CHD1L: variants seen among roughly 807,000 people sequenced by gnomAD.
CHD1L encodes the protein chromodomain helicase DNA binding protein 1 like.
Under a neutral mutation model 115.9 loss-of-function variants are expected in CHD1L, and 118 were observed. The observed-to-expected ratio is 1.02, with a 90% CI of 0.88 to 1.19. The LOEUF (loss-of-function observed/expected upper bound fraction) is 1.19. Ranked by LOEUF, CHD1L falls within the 50% of genes most tolerant of loss-of-function variation. The pLI is 0.00. For synonymous variants in CHD1L, 411 were observed against 387.1 expected (o/e 1.06, Z -0.72); for missense variants, 1,179 against 1,065.3 (o/e 1.11, Z -1.49).
rs782369690 is a variant in CHD1L, at chr1:147,294,435, C to T, written c.2533C>T (p.His845Tyr). ...AAGTGTTCATCTTCCACGTATTGGA[C>T]ATGCCACGAAAGGTTTTAACTGGTA... ...KASVHLPRIGHATKGFNWYGT... is the reference protein window; with the variant it reads ...KASVHLPRIGYATKGFNWYGT... The change falls in exon 22 of 23, where the codon CAT (histidine) becomes TAT (tyrosine). Residue 845 changes from histidine to tyrosine, a missense_variant. His to Tyr is a moderately conservative substitution (Grantham distance 83). Transcript: ENST00000369258. 2.5e-6 allele frequency: 4 copies of T among 1,612,420 alleles called. No homozygotes were observed. In the Admixed American group the frequency reaches 5.0e-5, roughly 20 times the overall value.
intron 15 of CHD1L, among the ~76,000 whole-genome samples, chr1:147,281,351 C>T (rs1366751062): frequency 1.3e-5 from 2 of 152,242 alleles, no homozygotes; most frequent in Middle Eastern, 3.4e-3. Flanking sequence ...ACTGTCTACT[C>T]TAGTGTGGGC....
chr1:147,254,711 G>A (rs1315546160), intron 2 of CHD1L, among the ~76,000 whole-genome samples, 159 bp from the exon 3 acceptor site: 2 of 152,148 alleles, frequency 1.3e-5, no homozygotes, highest in African/African-American at 4.8e-5. Context: ...TTCGCTCTAC[G>A]AATGGATTAC....
intron 2 of CHD1L, 125 bp from the exon 3 acceptor site, chr1:147,254,745 A>G (rs1553938796): frequency 6.4e-5 from 37 of 575,316 alleles, no homozygotes; most frequent in Non-Finnish European, 1.8e-5. Context: ...GGAAGTTCGT[A>G]CAATATTTCT....
the CHD1L span, chr1:147,204,973 A>G: frequency 8.3e-7 from 1 of 1,205,768 alleles, no homozygotes; most frequent in Non-Finnish European, 1.2e-6. Context: ...CGCTCAGAAG[A>G]CCGCGGAGGA....
chr1:147,268,053 C>G (rs1674641406), intron 9 of CHD1L, among the ~76,000 whole-genome samples: 1 of 152,176 alleles, frequency 6.6e-6, no homozygotes. Context: ...TTTGGCACAG[C>G]TAATCACTTC....
At chr1:147,276,344 C>CAGCAA in intron 14 of CHD1L, 87 bp downstream of exon 14, 4 of 1,398,120 alleles carry the variant, frequency 2.9e-6, no homozygotes, top group East Asian at 4.7e-5. Flanking sequence ...CAGCACTCAC[C>CAGCAA]CTCTCCCCAG....
the CHD1L span, among the ~76,000 whole-genome samples, chr1:147,214,414 G>A: frequency 1.3e-5 from 2 of 150,334 alleles, no homozygotes; most frequent in Non-Finnish European, 2.9e-5. Context: ...TCGTGTCACT[G>A]TACTCCAGCC....
At chr1:147,186,791 T>G in the CHD1L span, 1 of 1,497,692 alleles carries the variant, frequency 6.7e-7, no homozygotes, top group Non-Finnish European at 8.8e-7. Flanking sequence ...GAAAGAGACA[T>G]TAAAGTAGAT....
the CHD1L span, among the ~76,000 whole-genome samples, chr1:147,235,586 A>G: frequency 6.6e-6 from 1 of 152,096 alleles, no homozygotes; most frequent in Admixed American, 6.5e-5. Context: ...TGCCTCAGGG[A>G]TAGATACATG....
chr1:147,209,307 A>G, the CHD1L span, among the ~76,000 whole-genome samples: 108 of 151,996 alleles, frequency 7.1e-4, 1 homozygote, highest in Non-Finnish European at 1.0e-3. Context: ...GCGTGGTTGC[A>G]GGTGCCTGTA....
the CHD1L span, among the ~76,000 whole-genome samples, chr1:147,211,747 A>C: frequency 6.6e-6 from 1 of 152,182 alleles, no homozygotes; most frequent in Non-Finnish European, 1.5e-5. Context: ...CTATACAAAA[A>C]CCAAAACAAA....
rs782133927 is a variant in CHD1L at position 147,286,534 on chromosome 1, C to T, written c.2221+34C>T. 5 of 1,600,652 alleles carry T rather than the reference C, an allele frequency of 3.1e-6. No homozygotes were observed. In the South Asian group the frequency reaches 4.4e-5, roughly 14 times the overall value. On this transcript the variant is annotated intron_variant, in intron 18 of 22. Coordinates refer to ENST00000369258, the MANE Select transcript of CHD1L (RefSeq NM_004284.6). ...AGTGGTATGGGCTGGGGATGGGGGC[C>T]TCAGTCCTTATGGTGCCAAGAACTG...
chr1:147,284,356 CAT>C lies in CHD1L; in HGVS notation c.1714_1715del (p.Met572ValfsTer4), dbSNP rs782052615. The C allele has an allele frequency of 5.7e-6, 9 of 1,566,558 alleles. No individual in the cohort carries two copies. The South Asian group carries it at 9.4e-5, about 16-fold the overall frequency. On this transcript the variant is annotated frameshift_variant, in exon 16 of 23. Transcript: ENST00000369258. LOFTEE classifies it high-confidence loss of function. Reference sequence around the variant, plus strand: ...TTTGTGTTTTATGTTGTTAGAAAATCATATGTACTTATTTGAAGGTAAAGATT... The same window carrying C: ...TTTGTGTTTTATGTTGTTAGAAAATCATGTACTTATTTGAAGGTAAAGATT... Reference protein sequence around the residue: ...GSRDQEEGKNHMYLFEGKDYS... With the variant: ...GSRDQEEGKNXMYLFEGKDYS...
the CHD1L span, chr1:147,172,777 C>T: frequency 6.6e-6 from 1 of 152,278 alleles, no homozygotes; most frequent in African/African-American, 2.4e-5. Flanking sequence ...CTGAGACTAC[C>T]CGGCAGAAGG....
chr1:147,266,132 G>C, intron 8 of CHD1L, 45 bp downstream of exon 8: 1 of 1,527,886 alleles, frequency 6.5e-7, no homozygotes, highest in Non-Finnish European at 8.9e-7. Flanking sequence ...ATGAGGATGT[G>C]ATTTCAGGTA....
chr1:147,254,664 A>G (rs931614395), intron 2 of CHD1L, among the ~76,000 whole-genome samples: 2 of 152,220 alleles, frequency 1.3e-5, no homozygotes, highest in Non-Finnish European at 2.9e-5. Context: ...ATTGAGTTCC[A>G]TAAATTTCCG....
the CHD1L span, among the ~76,000 whole-genome samples, chr1:147,185,553 T>C: frequency 1.3e-5 from 2 of 152,198 alleles, no homozygotes; most frequent in African/African-American, 2.4e-5. Flanking sequence ...GGGCCGGCAA[T>C]TGTTCAAATG....
At chr1:147,266,218 T>C (rs1553948282) in intron 8 of CHD1L, 131 bp downstream of exon 8, 2 of 873,980 alleles carry the variant, frequency 2.3e-6, no homozygotes, top group Non-Finnish European at 3.4e-6. Context: ...TGAATAATTC[T>C]GGTCGGCTAC....
the CHD1L span, chr1:147,204,719 T>C: frequency 6.6e-7 from 1 of 1,512,706 alleles, no homozygotes; most frequent in Non-Finnish European, 9.2e-7. Flanking sequence ...TCTCTTAAAA[T>C]AGTCGCTGCA....
Sources: gnomAD v4.1 joint callset for allele counts (sites outside exome capture counted in the v4.1 genomes callset) on GRCh38, gnomAD v4.1.1 for gene constraint, MANE v1.5 for transcripts, NCBI Gene and HGNC (gene_info 2026-07-23, HGNC 2026-07-21) for gene names.